RGS7: variants seen among roughly 807,000 people sequenced by gnomAD.
The protein encoded by RGS7 is regulator of G protein signaling 7, also known as regulator of G-protein signaling 7.
RGS7 carries 27 observed loss-of-function variants against 81.1 expected under a neutral mutation model. That is an observed-to-expected ratio of 0.33 (90% CI 0.25 to 0.46). RGS7 has a LOEUF of 0.46. Among genes scored for constraint, RGS7 ranks in the 20% least tolerant of loss-of-function variants. RGS7 has a pLI of 1.00. For missense variants in RGS7, 396 were observed against 607.4 expected (o/e 0.65, Z 3.66); for synonymous variants, 208 against 207.7 (o/e 1.00, Z -0.01).
At chr1:240,880,175 G>A (rs904247934) in intron 6 of RGS7, among the ~76,000 whole-genome samples, 1 of 152,162 alleles carries the variant, frequency 6.6e-6, no homozygotes, top group Non-Finnish European at 1.5e-5. Context: ...CTGAATAGCT[G>A]AGACTCACAG....
intron 3 of RGS7, among the ~76,000 whole-genome samples, chr1:241,083,225 C>CAA (rs11304590): frequency 5.3e-5 from 4 of 75,794 alleles, no homozygotes; most frequent in African/African-American, 8.2e-5. Flanking sequence ...GACTCTGTCT[C>CAA]AAAAAAAAAA....
chr1:241,131,634 A>T lies in RGS7; in HGVS notation c.79-32872T>A, dbSNP rs571920807. On this transcript the variant is annotated intron_variant, in intron 2 of 18. Transcript: ENST00000440928. ...AGCATTTAAAAAGCAAAAATGAGAG[A>T]CACCTGAACTGTCATGCATTTACCA... Among the ~76,000 whole-genome samples, 34 of 152,188 alleles carry T rather than the reference A, an allele frequency of 2.2e-4. No homozygotes were observed. The South Asian group carries it at 5.0e-3, about 22-fold the overall frequency.
chr1:241,270,846 C>T (rs1026902375), intron 2 of RGS7, among the ~76,000 whole-genome samples: 5 of 151,944 alleles, frequency 3.3e-5, no homozygotes, highest in Non-Finnish European at 7.4e-5. Flanking sequence ...GCAAGTTCCG[C>T]CTCCCGGGTT....
chr1:241,318,816 C>T (rs1293102817), intron 2 of RGS7, among the ~76,000 whole-genome samples: 1 of 152,120 alleles, frequency 6.6e-6, no homozygotes, highest in South Asian at 2.1e-4. Context: ...GTTTTATAAG[C>T]AAAAATGATC....
At chr1:241,155,092 A>G (rs2069019962) in intron 2 of RGS7, among the ~76,000 whole-genome samples, 2 of 152,176 alleles carry the variant, frequency 1.3e-5, no homozygotes, top group Admixed American at 1.3e-4. Context: ...TAATATTGCA[A>G]TACAATCATT....
intron 6 of RGS7, among the ~76,000 whole-genome samples, chr1:240,878,897 A>C (rs1343459856): frequency 2.6e-5 from 4 of 152,184 alleles, no homozygotes; most frequent in Non-Finnish European, 1.5e-5. Flanking sequence ...TATCCCTATT[A>C]CTAAATACAC....
At chr1:241,148,109 T>C (rs1364333525) in intron 2 of RGS7, among the ~76,000 whole-genome samples, 1 of 146,968 alleles carries the variant, frequency 6.8e-6, no homozygotes, top group Non-Finnish European at 1.5e-5. Flanking sequence ...TGGAGTATAG[T>C]GTGCTATCTT....
In RGS7 at chr1:241,151,609, G is replaced by T. The variant is rs147538082; in HGVS notation, c.79-52847C>A. On this transcript the variant is annotated intron_variant, in intron 2 of 18. Transcript: ENST00000440928. ...TTTTACTTTAAGTTCTGGGTTACATGTGCAGAACGTGCAGTTTTGTTACAT... is the reference window on the plus strand; with the variant it reads ...TTTTACTTTAAGTTCTGGGTTACATTTGCAGAACGTGCAGTTTTGTTACAT... Among the ~76,000 whole-genome samples the T allele has an allele frequency of 6.7e-3, 847 of 126,634 alleles. 9 individuals are homozygous for T. Among genetic ancestry groups the T allele is most frequent in the African/African-American group, 0.025 (813 of 32,832 alleles). The allele number at this position is 126,634 out of a possible 152,430, so 83.1% of individuals were successfully genotyped here.
rs7549927 is a variant in RGS7 at position 241,290,591 on chromosome 1, T to C, written c.78+65108A>G. Reference sequence around the variant, plus strand: ...AATAAGAGAATGAACTCGCCTAGAATAATAAATGATCCTCTCAACTGCACG... The same window carrying C: ...AATAAGAGAATGAACTCGCCTAGAACAATAAATGATCCTCTCAACTGCACG... On this transcript the variant is annotated intron_variant, in intron 2 of 18. Transcript: ENST00000440928. 7.0e-3 allele frequency among the ~76,000 whole-genome samples: 1,066 copies of C among 152,252 alleles called. 12 individuals are homozygous for C. Among genetic ancestry groups the C allele is most frequent in the African/African-American group, 0.023 (960 of 41,548 alleles).
chr1:240,886,055 G>A (rs1295239048), intron 6 of RGS7, among the ~76,000 whole-genome samples: 3 of 152,120 alleles, frequency 2.0e-5, no homozygotes, highest in Admixed American at 1.3e-4. Context: ...TTTAAAAAAT[G>A]TAATAAAGTA....
chr1:241,272,080 G>T (rs1184639283), intron 2 of RGS7, among the ~76,000 whole-genome samples: 2 of 150,766 alleles, frequency 1.3e-5, no homozygotes, highest in Non-Finnish European at 2.9e-5. Context: ...TGCAACCTCC[G>T]CCTCCCGGGT....
chr1:240,977,039 A>G (rs536725290), intron 4 of RGS7, among the ~76,000 whole-genome samples: 1 of 148,124 alleles, frequency 6.8e-6, no homozygotes, highest in African/African-American at 2.5e-5. Context: ...TCTATCATCT[A>G]TCATTTATCT....
chr1:240,825,677 C>A (rs915964368), intron 10 of RGS7, among the ~76,000 whole-genome samples: 28 of 152,130 alleles, frequency 1.8e-4, no homozygotes, highest in Admixed American at 1.8e-3. Context: ...CCTTGCAATG[C>A]CTCATGGGCT....
chr1:240,850,110 GA>G (rs1341343278), intron 9 of RGS7, among the ~76,000 whole-genome samples: 1 of 152,184 alleles, frequency 6.6e-6, no homozygotes. Context: ...TCTGTAAAGA[GA>G]AAAGATAACA....
intron 3 of RGS7, among the ~76,000 whole-genome samples, chr1:240,997,733 A>G (rs1687510941): frequency 6.6e-6 from 1 of 152,230 alleles, no homozygotes; most frequent in South Asian, 2.1e-4. Context: ...CTGAGGCAGG[A>G]GAATCACGTG....
At chr1:241,260,790 T>C (rs1162932835) in intron 2 of RGS7, among the ~76,000 whole-genome samples, 1 of 152,090 alleles carries the variant, frequency 6.6e-6, no homozygotes, top group Admixed American at 6.6e-5. Context: ...CTTTGTCTCA[T>C]TCTGCTAAAT....
chr1:241,355,183 T>C (rs2083479167), intron 2 of RGS7, among the ~76,000 whole-genome samples: 1 of 152,062 alleles, frequency 6.6e-6, no homozygotes, highest in Non-Finnish European at 1.5e-5. Context: ...AAGTAAAAAA[T>C]AATTTAGGCT....
intron 2 of RGS7, among the ~76,000 whole-genome samples, chr1:241,201,027 C>T (rs2073461967): frequency 6.6e-6 from 1 of 152,216 alleles, no homozygotes; most frequent in Non-Finnish European, 1.5e-5. Context: ...CATCTTTCCT[C>T]CCCATACCTT....
At chr1:241,114,378 C>T (rs558410514) in intron 2 of RGS7, among the ~76,000 whole-genome samples, 7 of 152,080 alleles carry the variant, frequency 4.6e-5, no homozygotes, top group African/African-American at 1.7e-4. Flanking sequence ...CACTCCTCTG[C>T]CTGCCTTTGA....
Sources: gnomAD v4.1 joint callset for allele counts (sites outside exome capture counted in the v4.1 genomes callset) on GRCh38, gnomAD v4.1.1 for gene constraint, MANE v1.5 for transcripts, NCBI Gene and HGNC (gene_info 2026-07-23, HGNC 2026-07-21) for gene names.